Variants in GPRC5C observed in about 807,000 individuals in gnomAD.
GPRC5C encodes the protein G protein-coupled receptor class C group 5 member C.
In GPRC5C, 22 loss-of-function variants were observed where a neutral mutation model predicts 31.4. That is an observed-to-expected ratio of 0.70 (90% confidence interval 0.50 to 1.00). The LOEUF is 1.00. Ranked by LOEUF, GPRC5C falls within the 50% of genes least tolerant of loss-of-function variation. The pLI, the probability that GPRC5C is intolerant of heterozygous loss-of-function variation, is 0.00. For missense variants in GPRC5C, 557 were observed against 597.2 expected (o/e 0.93, Z 0.70); for synonymous variants, 249 against 257.5 (o/e 0.97, Z 0.32).
chr17:74,444,823 A>C (rs2055602064), intron 3 of GPRC5C, among the ~76,000 whole-genome samples: 2 of 152,136 alleles, frequency 1.3e-5, no homozygotes, highest in Admixed American at 6.5e-5. Flanking sequence ...CTGTTGCTGC[A>C]CCTCACTCCC....
chr17:74,446,758 G>T (rs2055642080), intron 3 of GPRC5C, 91 bp from the exon 4 acceptor site: 6 of 1,026,054 alleles, frequency 5.8e-6, no homozygotes, highest in Non-Finnish European at 8.8e-6. Context: ...GGATCTGGCA[G>T]TCCCAGCCCT....
At chr17:74,448,914 G>A (rs2055681535), downstream of GPRC5C, 1 of 1,288,532 alleles carries the variant, frequency 7.8e-7, no homozygotes, top group Non-Finnish European at 1.0e-6. Flanking sequence ...GGCCCACCCT[G>A]GGTAAGCCAG....
At chr17:74,437,756 C>G (rs2055455013) in intron 1 of GPRC5C, among the ~76,000 whole-genome samples, 1 of 151,010 alleles carries the variant, frequency 6.6e-6, no homozygotes, top group East Asian at 1.9e-4. Context: ...AGGAGGTAAA[C>G]CATGTATAAA....
At chr17:74,439,644 C>G in intron 1 of GPRC5C, 101 bp from the exon 2 acceptor site, 2 of 1,103,914 alleles carry the variant, frequency 1.8e-6, no homozygotes, top group Non-Finnish European at 2.6e-6. Context: ...CGGTCAGCAG[C>G]TAGCACTATC....
At chr17:74,443,056 A>G (rs2706500) in intron 2 of GPRC5C, 15,627 of 153,776 alleles carry the variant, frequency 0.1, 1,989 homozygotes, top group African/African-American at 0.3. Context: ...GTCCCTCAGA[A>G]CTGCAGGGCC....
rs2055514540 is a variant in GPRC5C at position 74,440,453 on chromosome 17, G to A, written c.677G>A (p.Gly226Glu). ...CTGCTGCTGCTGGGTGCCTTCCTGG[G>A]GGCCTGGCCCGCCCTGTGTGGCCGC... ...VMLLLLGAFL[G>E]AWPALCGRYK... Residue 226 changes from glycine to glutamate, a missense_variant, in exon 2 of 4, where the codon GGG (glycine) becomes GAG (glutamate). Gly to Glu is a moderately conservative substitution (Grantham distance 98). Transcript: ENST00000392627. The surrounding 1 kb of genome is among the most constrained non-coding windows in gnomAD (Gnocchi z 4.4). 6.2e-7 allele frequency: 1 copy of A among 1,614,042 alleles called. No individual in the cohort carries two copies. Among genetic ancestry groups the A allele is most frequent in the Non-Finnish European group, 8.5e-7 (1 of 1,179,952 alleles).
Position 74,440,383 on chromosome 17 carries a change from G to T in GPRC5C, c.607G>T (p.Ala203Ser), listed in dbSNP as rs763529315. The T allele has an allele frequency of 6.2e-7, 1 of 1,614,092 alleles. No individual in the cohort carries two copies. The highest frequency in any genetic ancestry group is 8.5e-7 in the Non-Finnish European group (1 of 1,179,988). The stretch of plus-strand genomic sequence containing the variant: ...AGGCTGGGCCGTGGCCTCCCCCTGT[G>T]CCATCGCCAACATGGACTTTGTCAT... Reference protein sequence around the residue: ...SAGWAVASPCAIANMDFVMAL... With the variant: ...SAGWAVASPCSIANMDFVMAL... The change falls in exon 2 of 4, where the codon GCC (alanine) becomes TCC (serine). Residue 203 changes from alanine to serine, a missense_variant. By Grantham distance (99) the Ala-to-Ser change is moderately conservative (BLOSUM62 1). Transcript: ENST00000392627. The surrounding 1 kb of genome is among the most constrained non-coding windows in gnomAD (Gnocchi z 4.4).
chr17:74,439,206 T>A (rs1423180952), intron 1 of GPRC5C, among the ~76,000 whole-genome samples: 2 of 152,204 alleles, frequency 1.3e-5, no homozygotes, highest in Non-Finnish European at 2.9e-5. Flanking sequence ...GTCTCTTCAT[T>A]TTTCCTGGCT....
At chr17:74,439,279 G>T (rs2055488773) in intron 1 of GPRC5C, among the ~76,000 whole-genome samples, 1 of 152,210 alleles carries the variant, frequency 6.6e-6, no homozygotes, top group African/African-American at 2.4e-5. Context: ...ACACATAGCT[G>T]ACTGGCTGTG....
At chr17:74,438,236 T>C (rs1244267844) in intron 1 of GPRC5C, among the ~76,000 whole-genome samples, 2 of 118,094 alleles carry the variant, frequency 1.7e-5, no homozygotes, top group Non-Finnish European at 3.2e-5. Context: ...TATATATATA[T>C]ATATATATAT....
chr17:74,443,635 G>A, intron 2 of GPRC5C, 183 bp from the exon 3 acceptor site: 1 of 698,114 alleles, frequency 1.4e-6, no homozygotes, highest in Non-Finnish European at 2.6e-6. Context: ...AGGCTTGGGA[G>A]GGGGCCCCCG....
chr17:74,449,542 C>T (rs374905139), downstream of GPRC5C: 24 of 322,288 alleles, frequency 7.4e-5, no homozygotes, highest in South Asian at 2.2e-4. Context: ...GTGACTGGAG[C>T]GCCTAGGGCC....
Position 74,432,431 on chromosome 17 carries a change from G to A in GPRC5C, c.-33+290G>A, listed in dbSNP as rs991979735. On this transcript the variant is annotated intron_variant, in intron 1 of 3. Coordinates refer to ENST00000392627, the MANE Select transcript of GPRC5C (RefSeq NM_022036.4). ...AGGACCGGGCCTGGCCCAGCGCCCC[G>A]CGCCGCGTCCCTCCCACCCCCGCCC... is the stretch of plus-strand genomic sequence containing the variant. 5 of 1,132,678 alleles carry A rather than the reference G, an allele frequency of 4.4e-6. No individual in the cohort carries two copies. In the Admixed American group the frequency reaches 2.5e-4, roughly 57 times the overall value. The allele number at this position is 1,132,678 out of a possible 1,614,324, so 70.2% of individuals were successfully genotyped here. A position where few individuals can be genotyped will look rare whatever the true frequency, so the allele number is the denominator to read the frequency against.
rs1471725495 is a variant in GPRC5C at position 74,439,888 on chromosome 17, CT to C, written c.113del (p.Leu38ArgfsTer72). On this transcript the variant is annotated frameshift_variant, in exon 2 of 4. Transcript: ENST00000392627. LOFTEE classifies it high-confidence loss of function. ...PPGCSQGLNP[L>X]YYNLCDRSGA... is the part of the protein sequence containing the mutation. ...CGGCTGCAGCCAAGGCCTCAACCCC[CT>C]GTACTACAACCTGTGTGACCGCTCT... 3 of 1,613,048 alleles carry C rather than the reference CT, an allele frequency of 1.9e-6. No individual in the cohort carries two copies. Among genetic ancestry groups the C allele is most frequent in the Admixed American group, 1.7e-5 (1 of 60,014 alleles).
At chr17:74,434,015 G>C (rs531323332) in intron 1 of GPRC5C, among the ~76,000 whole-genome samples, 16 of 152,196 alleles carry the variant, frequency 1.1e-4, no homozygotes, top group Non-Finnish European at 2.2e-4. Context: ...CCAGGCCTCT[G>C]CGCCCCCTGG....
rs775140429 is a variant in GPRC5C at position 74,447,023 on chromosome 17, G to A, written c.1321G>A (p.Asp441Asn). 4.3e-6 allele frequency: 7 copies of A among 1,610,488 alleles called. 1 individual carries two copies. The highest frequency in any genetic ancestry group is 3.3e-5 in the Admixed American group (2 of 59,892). Residue 441 changes from aspartate (D) to asparagine (N), a missense_variant, in exon 4 of 4, where the codon GAC becomes AAC. Coordinates refer to ENST00000392627, the MANE Select transcript of GPRC5C (RefSeq NM_022036.4). ...SQVFRNPYVW[D>N] Reference sequence around the variant, plus strand: ...GGTCTTTAGAAACCCCTACGTGTGGGACTGAGTCAGCGGTGGCGAGGAGAG... The same window carrying A: ...GGTCTTTAGAAACCCCTACGTGTGGAACTGAGTCAGCGGTGGCGAGGAGAG...
intron 3 of GPRC5C, chr17:74,446,504 CAGGTAGT>C: frequency 4.7e-6 from 1 of 212,104 alleles, no homozygotes; most frequent in Non-Finnish European, 9.3e-6. Flanking sequence ...CTATGTCAGA[CAGGTAGT>C]AGCAGCTCTG....
At chr17:74,448,715 G>A (rs999564063), downstream of GPRC5C, 2 of 464,776 alleles carry the variant, frequency 4.3e-6, no homozygotes, top group African/African-American at 4.0e-5. Flanking sequence ...TGCCCTGGAA[G>A]GTGGGAAGGA....
downstream of GPRC5C, chr17:74,448,988 C>T: frequency 2.0e-6 from 2 of 989,668 alleles, no homozygotes; most frequent in Non-Finnish European, 2.8e-6. Context: ...TGGACGCTGG[C>T]TCAAGACTTT....
Sources: allele counts gnomAD v4.1 joint callset (sites outside exome capture counted in the v4.1 genomes callset), GRCh38; gene constraint gnomAD v4.1.1; non-coding constraint Gnocchi (gnomAD v3.1); transcripts MANE v1.5; gene names NCBI Gene and HGNC (gene_info 2026-07-23, HGNC 2026-07-21).